The following SFMBT1 variants were observed in gnomAD, a reference collection of about 807,000 sequenced individuals.
SFMBT1 encodes the protein scm-like with four MBT domains protein 1.
In SFMBT1, 32 loss-of-function variants were observed where a neutral mutation model predicts 108.7. The ratio of observed to expected loss-of-function variants is 0.29; its 90% CI spans 0.22 to 0.40. The LOEUF (loss-of-function observed/expected upper bound fraction) is 0.40, where lower values mean the gene tolerates loss of function less well. SFMBT1 is among the 10% of genes least tolerant of loss of function. The pLI, the probability that SFMBT1 is intolerant of heterozygous loss-of-function variation, is 1.00. For synonymous variants in SFMBT1, 348 were observed against 369.5 expected (o/e 0.94, Z 0.67); for missense variants, 816 against 1,059.6 (o/e 0.77, Z 3.19).
chr3:52,969,864 G>A (rs1370709980), intron 1 of SFMBT1, among the ~76,000 whole-genome samples: 1 of 152,098 alleles, frequency 6.6e-6, no homozygotes, highest in African/African-American at 2.4e-5. Flanking sequence ...CACTCTGGGA[G>A]GCTGAAGTGA....
intron 10 of SFMBT1, among the ~76,000 whole-genome samples, chr3:52,925,540 A>G (rs1415670209): frequency 6.6e-6 from 1 of 152,240 alleles, no homozygotes; most frequent in East Asian, 1.9e-4. Flanking sequence ...ATGAAGAAAT[A>G]CAAATAACTA....
At chr3:53,000,448 T>C (rs1430570314) in intron 1 of SFMBT1, among the ~76,000 whole-genome samples, 2 of 150,202 alleles carry the variant, frequency 1.3e-5, no homozygotes, top group Admixed American at 1.3e-4. Flanking sequence ...ATCACACAAT[T>C]ACATTAGGAA....
chr3:52,960,169 A>G (rs1000311503), intron 2 of SFMBT1, among the ~76,000 whole-genome samples: 1 of 151,882 alleles, frequency 6.6e-6, no homozygotes, highest in African/African-American at 2.4e-5. Flanking sequence ...GTGCAGAATG[A>G]AAAGCACAGC....
At chr3:53,005,460 A>G (rs1698707361) in intron 1 of SFMBT1, among the ~76,000 whole-genome samples, 1 of 152,186 alleles carries the variant, frequency 6.6e-6, no homozygotes, top group Non-Finnish European at 1.5e-5. Context: ...CTACAGGTGC[A>G]TGCCAGCACA....
chr3:52,991,676 T>C (rs1400884755), intron 1 of SFMBT1, among the ~76,000 whole-genome samples: 1 of 151,952 alleles, frequency 6.6e-6, no homozygotes, highest in Non-Finnish European at 1.5e-5. Flanking sequence ...AATATGAGAG[T>C]ATTAAGACGT....
rs115171644 is a variant in SFMBT1, at chr3:53,017,791, T to C, written c.-131+28025A>G. ...GAGCATGACTTCTTGTAAACATCTA[T>C]ATACACCTTGTGCTGTTTCTAAACT... is the stretch of plus-strand genomic sequence containing the variant. On this transcript the variant is annotated intron_variant, in intron 1 of 20. Coordinates refer to ENST00000394752, the MANE Select transcript of SFMBT1 (RefSeq NM_016329.4). 2.2e-3 allele frequency among the ~76,000 whole-genome samples: 340 copies of C among 152,352 alleles called. 1 individual carries two copies. The highest frequency in any genetic ancestry group is 7.2e-3 in the African/African-American group (299 of 41,584).
chr3:52,959,930 C>A (rs1194134795), intron 2 of SFMBT1, among the ~76,000 whole-genome samples: 2 of 151,930 alleles, frequency 1.3e-5, no homozygotes, highest in African/African-American at 4.8e-5. Context: ...TCTCAATAAA[C>A]TGCTGAATGA....
intron 1 of SFMBT1, among the ~76,000 whole-genome samples, chr3:53,024,092 A>T (rs940586583): frequency 1.3e-5 from 2 of 152,228 alleles, no homozygotes; most frequent in African/African-American, 4.8e-5. Context: ...TAAATAAAAC[A>T]CATAGTGTGT....
intron 1 of SFMBT1, among the ~76,000 whole-genome samples, chr3:52,973,626 C>T (rs956491431): frequency 3.2e-4 from 48 of 152,106 alleles, no homozygotes; most frequent in African/African-American, 1.2e-3. Flanking sequence ...AAATTTTCCC[C>T]TCCCATCTTG....
Position 52,907,568 on chromosome 3 carries a change from G to A in SFMBT1, c.2072C>T (p.Ala691Val), listed in dbSNP as rs1442552434. ...RSSASVDNTP[A>V]GSPQGSGGED... ...CAGATCTCATACCTGGGGAGAGCCC[G>A]CTGGGGTATTATCAACAGATGCAGA... The change falls in exon 18 of 21, where the codon GCG (alanine) becomes GTG (valine). Residue 691 changes from alanine (A) to valine (V), a missense_variant. Physicochemically the swap from Ala to Val is moderately conservative, Grantham distance 64. This residue lies in a region of SFMBT1 where 177 missense variants were observed against 182.0 expected (regional missense o/e 0.97). Transcript: ENST00000394752. 10 of 1,613,374 alleles carry A rather than the reference G, an allele frequency of 6.2e-6. No individual in the cohort carries two copies. The highest frequency in any genetic ancestry group is 2.2e-5 in the East Asian group (1 of 44,878).
At chr3:52,943,302 A>G (rs1575390947) in intron 4 of SFMBT1, 51 bp downstream of exon 4, 1 of 1,611,334 alleles carries the variant, frequency 6.2e-7, no homozygotes, top group South Asian at 1.1e-5. Flanking sequence ...GACAATCCAA[A>G]TTTTCTTACA....
chr3:52,915,041 G>A (rs146130606), intron 14 of SFMBT1, among the ~76,000 whole-genome samples: 20 of 152,292 alleles, frequency 1.3e-4, no homozygotes, highest in African/African-American at 4.8e-4. Context: ...ACCTGAATTA[G>A]GATCAACTCT....
intron 4 of SFMBT1, among the ~76,000 whole-genome samples, chr3:52,936,551 C>T (rs921344894): frequency 6.6e-6 from 1 of 152,200 alleles, no homozygotes; most frequent in African/African-American, 2.4e-5. Flanking sequence ...TTTGGCATGA[C>T]ACTAGTAAAG....
At position 52,907,189 on chromosome 3, in the gene SFMBT1, G is replaced by A; in HGVS notation, c.2211C>T (p.Cys737=). The change falls in exon 19 of 21, where the codon TGC becomes TGT. Residue 737 remains cysteine (C), a synonymous_variant. Coordinates refer to ENST00000394752, the MANE Select transcript of SFMBT1 (RefSeq NM_016329.4). ...EESEMSEKKS[C]SSSPTQSEIS... is the part of the protein sequence containing the mutation. ...TCTCACTTTGGGTGGGAGAAGAGGA[G>A]CATGACTTTTTTTCTGACATTTCTG... 4 of 1,614,098 alleles carry A rather than the reference G, an allele frequency of 2.5e-6. No individual in the cohort carries two copies. In the South Asian group the frequency reaches 3.3e-5, roughly 13 times the overall value.
chr3:52,956,416 C>T (rs1019073772), intron 2 of SFMBT1, among the ~76,000 whole-genome samples: 1 of 152,120 alleles, frequency 6.6e-6, no homozygotes, highest in Non-Finnish European at 1.5e-5. Context: ...GCTGAGATCA[C>T]GCCACTGCAC....
At chr3:53,012,659 C>T (rs1232478174) in intron 1 of SFMBT1, among the ~76,000 whole-genome samples, 2 of 151,636 alleles carry the variant, frequency 1.3e-5, no homozygotes, top group African/African-American at 4.9e-5. Context: ...GCCTCTGCCT[C>T]CCAAAGTGCT....
At position 52,903,693 on chromosome 3, in the gene SFMBT1, A is replaced by T. The variant is rs1702001986; in HGVS notation, c.*1443T>A. ...TTATAAATTTGCAGGTGATTAGGAT[A>T]AAAAAAATTCAGCAAAGCAAACCAT... On this transcript the variant is annotated 3_prime_UTR_variant, in exon 21 of 21. Transcript: ENST00000394752. 1 of 152,154 alleles carries T rather than the reference A, an allele frequency of 6.6e-6. No homozygotes were observed. The highest frequency in any genetic ancestry group is 2.1e-4 in the South Asian group (1 of 4,828). The allele number at this position is 152,154 out of a possible 1,614,324, so 9.4% of individuals were successfully genotyped here.
At chr3:52,944,454 G>A (rs1369761819) in intron 3 of SFMBT1, among the ~76,000 whole-genome samples, 1 of 152,126 alleles carries the variant, frequency 6.6e-6, no homozygotes, top group Non-Finnish European at 1.5e-5. Flanking sequence ...GAATTGAGAG[G>A]GACTAGAAAT....
intron 1 of SFMBT1, among the ~76,000 whole-genome samples, chr3:53,001,988 C>T (rs1189763550): frequency 1.4e-5 from 2 of 146,910 alleles, no homozygotes; most frequent in African/African-American, 5.0e-5. Context: ...TGAAAGATTA[C>T]TGCCTGTTTT....
Sources: allele counts gnomAD v4.1 joint callset (sites outside exome capture counted in the v4.1 genomes callset), GRCh38; gene constraint gnomAD v4.1.1; regional missense constraint gnomAD v4.1.1; transcripts MANE v1.5; gene names NCBI Gene and HGNC (gene_info 2026-07-23, HGNC 2026-07-21).